ATP11A: variants seen among roughly 807,000 people sequenced by gnomAD.
The protein encoded by ATP11A is ATPase phospholipid transporting 11A.
Under a neutral mutation model 154.4 loss-of-function variants are expected in ATP11A, and 81 were observed. The ratio of observed to expected loss-of-function variants is 0.52; its 90% CI spans 0.44 to 0.63. The LOEUF is 0.63. Ranked by LOEUF, ATP11A falls within the 30% of genes least tolerant of loss-of-function variation. ATP11A has a pLI of 0.00. For missense variants in ATP11A, 1,316 were observed against 1,474.3 expected (o/e 0.89, Z 1.76); for synonymous variants, 623 against 585.9 (o/e 1.06, Z -0.91).
intron 1 of ATP11A, among the ~76,000 whole-genome samples, chr13:112,764,087 A>G: frequency 6.6e-6 from 1 of 152,188 alleles, no homozygotes; most frequent in Non-Finnish European, 1.5e-5. Context: ...TGTTACCAGG[A>G]GTTGTTAGGA....
At chr13:112,844,372 T>C (rs2079514035) in intron 17 of ATP11A, among the ~76,000 whole-genome samples, 1 of 152,164 alleles carries the variant, frequency 6.6e-6, no homozygotes, top group African/African-American at 2.4e-5. Context: ...TCTATACATA[T>C]TTAAAATGCG....
chr13:112,841,168 G>C (rs2079404842), intron 16 of ATP11A, among the ~76,000 whole-genome samples: 3 of 149,346 alleles, frequency 2.0e-5, no homozygotes. Flanking sequence ...CTGTGTGTCG[G>C]GAGCACCTGC....
chr13:112,851,737 A>G (rs113183800), intron 18 of ATP11A: 212 of 152,382 alleles, frequency 1.4e-3, no homozygotes, highest in South Asian at 6.8e-3. Flanking sequence ...TGCCCAGGCT[A>G]GTCTCAAATT....
At chr13:112,745,701 A>G (rs432522) in intron 1 of ATP11A, 37,202 of 152,068 alleles carry the variant, frequency 0.24, 6,081 homozygotes, top group African/African-American at 0.46. Flanking sequence ...AAACAAAAAG[A>G]TTAGGAGCGG....
intron 24 of ATP11A, 119 bp downstream of exon 24, chr13:112,860,533 T>C: frequency 1.7e-6 from 2 of 1,195,648 alleles, no homozygotes; most frequent in East Asian, 4.7e-5. Flanking sequence ...ATTCGGCATC[T>C]GCTGATATTC....
At position 112,754,900 on chromosome 13, in the gene ATP11A, G is replaced by A. The variant is rs944420554; in HGVS notation, c.40-30235G>A. Among the ~76,000 whole-genome samples the A allele has an allele frequency of 6.6e-6, 1 of 152,222 alleles. No individual in the cohort carries two copies. Among genetic ancestry groups the A allele is most frequent in the Non-Finnish European group, 1.5e-5 (1 of 68,034 alleles). The stretch of plus-strand genomic sequence containing the variant: ...CTGCAGGGCTTCCCCAGCCCTCCTA[G>A]ACACCCTGCACTTGCCCCTCCCGAG... On this transcript the variant is annotated intron_variant, in intron 1 of 29. Coordinates refer to ENST00000375645, the MANE Select transcript of ATP11A (RefSeq NM_015205.3). This position sits in a 1 kb window ranked among gnomAD's most constrained non-coding sequence, Gnocchi z 5.3.
chr13:112,825,649 A>G, intron 11 of ATP11A, 69 bp downstream of exon 11: 4 of 1,508,762 alleles, frequency 2.7e-6, no homozygotes, highest in Admixed American at 2.2e-5. Context: ...AATGTGGTGC[A>G]AGAAAAAGAT....
intron 27 of ATP11A, among the ~76,000 whole-genome samples, chr13:112,874,125 C>T (rs2080638668): frequency 6.6e-6 from 1 of 152,256 alleles, no homozygotes; most frequent in Admixed American, 6.5e-5. Context: ...TCCTCACGCC[C>T]CGCAGCAAGA....
In ATP11A at chr13:112,825,571, G is replaced by A. The variant is rs201793187; in HGVS notation, c.1014G>A (p.Gln338=). The change falls in exon 11 of 30, where the codon CAG becomes CAA. Residue 338 remains glutamine (Q), a synonymous_variant. Transcript: ENST00000375645. ...WYNQKTESER[Q]RNLFLKAFTD... Reference sequence around the variant, plus strand: ...ATCAGAAAACGGAGTCGGAAAGGCAGAGGAATCTGGTATGGAGAATCACTG... The same window carrying A: ...ATCAGAAAACGGAGTCGGAAAGGCAAAGGAATCTGGTATGGAGAATCACTG... 1 of 1,612,822 alleles carries A rather than the reference G, an allele frequency of 6.2e-7. No homozygotes were observed. Among genetic ancestry groups the A allele is most frequent in the Non-Finnish European group, 8.5e-7 (1 of 1,179,462 alleles).
intron 1 of ATP11A, among the ~76,000 whole-genome samples, chr13:112,734,984 A>G (rs1472061892): frequency 6.6e-6 from 1 of 152,220 alleles, no homozygotes; most frequent in African/African-American, 2.4e-5. Context: ...CCTTCCAGGA[A>G]GGATTTGAAG....
At chr13:112,867,053 C>T (rs2080356735) in intron 25 of ATP11A, among the ~76,000 whole-genome samples, 1 of 368 alleles carries the variant, frequency 2.7e-3, no homozygotes, top group East Asian at 0.25. Context: ...AAGCATCTCG[C>T]GTAGCCCTTA....
chr13:112,722,316 G>A (rs1889298480), intron 1 of ATP11A, among the ~76,000 whole-genome samples: 1 of 151,392 alleles, frequency 6.6e-6, no homozygotes, highest in African/African-American at 2.4e-5. Context: ...GGGGAGAGGG[G>A]GGCGGCCAGG....
chr13:112,777,944 C>T (rs1043661838), intron 1 of ATP11A, among the ~76,000 whole-genome samples: 12 of 152,224 alleles, frequency 7.9e-5, no homozygotes, highest in Admixed American at 1.3e-4. Flanking sequence ...GCACCCTGCA[C>T]GGAGAGGCCT....
At chr13:112,730,997 G>A (rs990364339) in intron 1 of ATP11A, among the ~76,000 whole-genome samples, 10 of 152,058 alleles carry the variant, frequency 6.6e-5, no homozygotes, top group African/African-American at 1.7e-4. Flanking sequence ...GTGCTGTGGC[G>A]CGATCTCTGC....
At chr13:112,869,953 G>A (rs1486393457) in intron 25 of ATP11A, among the ~76,000 whole-genome samples, 6 of 152,192 alleles carry the variant, frequency 3.9e-5, no homozygotes, top group African/African-American at 1.2e-4. Context: ...GGCCACTGTC[G>A]TGTGCACTCA....
chr13:112,773,858 C>T (rs964449340), intron 1 of ATP11A, among the ~76,000 whole-genome samples: 3 of 151,550 alleles, frequency 2.0e-5, no homozygotes, highest in Non-Finnish European at 2.9e-5. Context: ...GGGATTTCCA[C>T]GCCACCTCCA....
intron 1 of ATP11A, among the ~76,000 whole-genome samples, chr13:112,729,727 C>T (rs1191362198): frequency 6.6e-6 from 1 of 152,278 alleles, no homozygotes; most frequent in African/African-American, 2.4e-5. Flanking sequence ...CTGATAGAGT[C>T]AGGCCACGGT....
intron 17 of ATP11A, among the ~76,000 whole-genome samples, chr13:112,842,955 T>C (rs2140295157): frequency 6.6e-6 from 1 of 152,314 alleles, no homozygotes; most frequent in East Asian, 1.9e-4. Flanking sequence ...CCGGCCTGAG[T>C]GTCTCTCACA....
chr13:112,844,915 T>TG (rs2079540423), intron 17 of ATP11A, among the ~76,000 whole-genome samples: 1 of 151,414 alleles, frequency 6.6e-6, no homozygotes, highest in Admixed American at 6.6e-5. Context: ...GTCCAGTTAC[T>TG]GGGCACTAGC....
Sources: allele counts gnomAD v4.1 joint callset (sites outside exome capture counted in the v4.1 genomes callset), GRCh38; gene constraint gnomAD v4.1.1; non-coding constraint Gnocchi (gnomAD v3.1); transcripts MANE v1.5; gene names NCBI Gene and HGNC (gene_info 2026-07-23, HGNC 2026-07-21).